Variants in RAD18 observed in about 807,000 individuals in gnomAD.
RAD18 encodes E3 ubiquitin-protein ligase RAD18.
RAD18 carries 47 observed loss-of-function variants against 60.4 expected under a neutral mutation model. The observed-to-expected ratio is 0.78, with a 90% CI of 0.62 to 0.99. RAD18 has a LOEUF of 0.99. Ranked by LOEUF, RAD18 falls within the 50% of genes least tolerant of loss-of-function variation. The pLI, the probability that RAD18 is intolerant of heterozygous loss-of-function variation, is 0.00. For missense variants in RAD18, 640 were observed against 593.3 expected (o/e 1.08, Z -0.82); for synonymous variants, 225 against 195.5 (o/e 1.15, Z -1.26).
At chr3:8,956,799 T>G (rs1941022207) in intron 2 of RAD18, among the ~76,000 whole-genome samples, 1 of 148,932 alleles carries the variant, frequency 6.7e-6, no homozygotes, top group South Asian at 2.1e-4. Flanking sequence ...GTGCCTCAAC[T>G]TGGTAGGTTT....
chr3:8,939,347 A>G lies in RAD18; in HGVS notation c.704+207T>C, dbSNP rs188425454. On this transcript the variant is annotated intron_variant, in intron 6 of 12. Transcript: ENST00000264926. ...AATTTAGTAGCAGTTCAAATATTCA[A>G]TATAGCTAATCATATTTGGCAAAGT... Among the ~76,000 whole-genome samples, 87 of 152,338 alleles carry G rather than the reference A, an allele frequency of 5.7e-4. No homozygotes were observed. In the South Asian group the frequency reaches 6.6e-3, roughly 12 times the overall value.
In RAD18 at chr3:8,945,587, T is replaced by C. The variant is rs45621034; in HGVS notation, c.266+1633A>G. 5.2e-4 allele frequency among the ~76,000 whole-genome samples: 77 copies of C among 149,164 alleles called. 1 individual carries two copies. The East Asian group carries it at 0.013, about 26-fold the overall frequency. On this transcript the variant is annotated intron_variant, in intron 4 of 12. Coordinates refer to ENST00000264926, the MANE Select transcript of RAD18 (RefSeq NM_020165.4). ...CCCTGGTTCAAGCGATTCTCCTGCC[T>C]CAGCCTCCCAAGTAGCTGGGATTAC...
chr3:8,926,534 T>C (rs1281339549), intron 7 of RAD18, among the ~76,000 whole-genome samples: 1 of 152,198 alleles, frequency 6.6e-6, no homozygotes, highest in East Asian at 1.9e-4. Flanking sequence ...CCAATGACTT[T>C]CTTCACAGAA....
Position 8,946,554 on chromosome 3 carries a change from C to G in RAD18, c.266+666G>C, listed in dbSNP as rs1940842762. ...AAGTAATCCAAGATATTGAAACATG[C>G]CTTTTCATATCCCTTTGGGTGACCA... On this transcript the variant is annotated intron_variant, in intron 4 of 12. Coordinates refer to ENST00000264926, the MANE Select transcript of RAD18 (RefSeq NM_020165.4). Among the ~76,000 whole-genome samples, 6 of 152,324 alleles carry G rather than the reference C, an allele frequency of 3.9e-5. No individual in the cohort carries two copies. The South Asian group carries it at 1.2e-3, about 32-fold the overall frequency.
At chr3:8,891,300 C>T (rs567658764) in intron 11 of RAD18, among the ~76,000 whole-genome samples, 24 of 151,782 alleles carry the variant, frequency 1.6e-4, no homozygotes, top group Admixed American at 1.3e-3. Flanking sequence ...CTTGCCAACA[C>T]CCCCCTGTGC....
intron 4 of RAD18, among the ~76,000 whole-genome samples, chr3:8,942,609 T>G (rs1940772260): frequency 6.6e-6 from 1 of 152,194 alleles, no homozygotes; most frequent in African/African-American, 2.4e-5. Context: ...CCCCAAGACT[T>G]ACTTTACCCT....
intron 7 of RAD18, among the ~76,000 whole-genome samples, chr3:8,917,794 G>C (rs951010201): frequency 2.6e-5 from 4 of 152,060 alleles, no homozygotes; most frequent in Admixed American, 2.6e-4. Context: ...TTACATTAAA[G>C]AAAGGGTTTT....
chr3:8,914,437 AAAC>A (rs1190213912), intron 7 of RAD18, among the ~76,000 whole-genome samples: 1 of 152,240 alleles, frequency 6.6e-6, no homozygotes, highest in African/African-American at 2.4e-5. Flanking sequence ...ATGGTAGATA[AAAC>A]AACATTCAGA....
At position 8,935,965 on chromosome 3, in the gene RAD18, T is replaced by A; in HGVS notation, c.795A>T (p.Leu265Phe). 1 of 1,610,950 alleles carries A rather than the reference T, an allele frequency of 6.2e-7. No individual in the cohort carries two copies. Among genetic ancestry groups the A allele is most frequent in the Non-Finnish European group, 8.5e-7 (1 of 1,177,338 alleles). ...GCTGTTGTTTATTTCCTTGAATAGA[T>A]AATCCATGCTCTTTTAGCTTTTTCT... Reference protein sequence around the residue: ...DLKKKLKEHGLSIQGNKQQLI... With the variant: ...DLKKKLKEHGFSIQGNKQQLI... The change falls in exon 7 of 13, where the codon TTA (leucine) becomes TTT (phenylalanine). Residue 265 changes from leucine to phenylalanine, a missense_variant. Leu to Phe is a conservative substitution (Grantham distance 22). Transcript: ENST00000264926.
intron 9 of RAD18, among the ~76,000 whole-genome samples, chr3:8,902,998 C>A (rs2125051381): frequency 6.6e-6 from 1 of 151,840 alleles, no homozygotes; most frequent in Admixed American, 6.6e-5. Context: ...TGCACTCCAG[C>A]CTGGGCAACA....
intron 10 of RAD18, among the ~76,000 whole-genome samples, chr3:8,899,724 A>G (rs1939868596): frequency 1.3e-5 from 2 of 152,238 alleles, no homozygotes; most frequent in Non-Finnish European, 2.9e-5. Flanking sequence ...TTCTACAAAT[A>G]TGAGTGGAAG....
At chr3:8,921,041 G>C (rs534762753) in intron 7 of RAD18, among the ~76,000 whole-genome samples, 1 of 152,102 alleles carries the variant, frequency 6.6e-6, no homozygotes, top group Admixed American at 6.5e-5. Context: ...GACATATTTA[G>C]GGGTAAAGGG....
At chr3:8,895,017 A>G (rs1939761606) in intron 11 of RAD18, among the ~76,000 whole-genome samples, 1 of 152,014 alleles carries the variant, frequency 6.6e-6, no homozygotes. Flanking sequence ...GGCCTCCCAA[A>G]GTGCTGGGAT....
At position 8,912,332 on chromosome 3, in the gene RAD18, T is replaced by A; in HGVS notation, c.1007A>T (p.Asp336Val). 1 of 1,567,818 alleles carries A rather than the reference T, an allele frequency of 6.4e-7. No individual in the cohort carries two copies. Among genetic ancestry groups the A allele is most frequent in the Non-Finnish European group, 8.6e-7 (1 of 1,158,682 alleles). The change falls in exon 9 of 13, where the codon GAT becomes GTT. Residue 336 changes from aspartate (D) to valine (V), a missense_variant. Coordinates refer to ENST00000264926, the MANE Select transcript of RAD18 (RefSeq NM_020165.4). ...FTKDQTEKEI[D>V]EIHSKYRKKH... ...CTTACGATATTTACTGTGGATTTCA[T>A]CTATTTCCTTTTCTGTTTGGTCCTT...
At chr3:8,943,625 T>C (rs1001399645) in intron 4 of RAD18, among the ~76,000 whole-genome samples, 1 of 151,772 alleles carries the variant, frequency 6.6e-6, no homozygotes, top group Non-Finnish European at 1.5e-5. Context: ...GAAAAACCAA[T>C]GGCTGAGAAT....
intron 12 of RAD18, among the ~76,000 whole-genome samples, chr3:8,889,219 T>C (rs945109720): frequency 1.3e-5 from 2 of 152,198 alleles, no homozygotes; most frequent in African/African-American, 4.8e-5. Context: ...TAGAGTTTAA[T>C]GGTTGAGGGT....
intron 2 of RAD18, among the ~76,000 whole-genome samples, chr3:8,958,194 C>T (rs1941041637): frequency 6.6e-6 from 1 of 152,204 alleles, no homozygotes; most frequent in Admixed American, 6.5e-5. Flanking sequence ...GAAACTTTTC[C>T]ACCAAAGCTA....
chr3:8,962,594 C>A (rs1941109234), intron 1 of RAD18, among the ~76,000 whole-genome samples: 2 of 152,226 alleles, frequency 1.3e-5, no homozygotes, highest in South Asian at 4.1e-4. Flanking sequence ...AGAAGAAACA[C>A]CAAGCAACTG....
rs1055173872 is a variant in RAD18 at position 8,915,280 on chromosome 3, A to G, written c.890-1560T>C. Among the ~76,000 whole-genome samples, 3 of 152,178 alleles carry G rather than the reference A, an allele frequency of 2.0e-5. No homozygotes were observed. In the East Asian group the frequency reaches 5.8e-4, roughly 29 times the overall value. Reference sequence around the variant, plus strand: ...TAATGTCACTCTCACCCTAATGACGAGAAAAAGCGGGATAACTTATAAAAC... The same window carrying G: ...TAATGTCACTCTCACCCTAATGACGGGAAAAAGCGGGATAACTTATAAAAC... On this transcript the variant is annotated intron_variant, in intron 7 of 12. Coordinates refer to ENST00000264926, the MANE Select transcript of RAD18 (RefSeq NM_020165.4).
Sources: allele counts gnomAD v4.1 joint callset (sites outside exome capture counted in the v4.1 genomes callset), GRCh38; gene constraint gnomAD v4.1.1; transcripts MANE v1.5; gene names NCBI Gene and HGNC (gene_info 2026-07-23, HGNC 2026-07-21).